Variants in CRK observed in about 807,000 individuals in gnomAD.
CRK encodes adapter molecule crk.
A neutral mutation model predicts 29.8 loss-of-function variants in CRK; 4 were observed. The ratio of observed to expected loss-of-function variants is 0.13; its 90% confidence interval spans 0.07 to 0.31. CRK has a LOEUF of 0.31. Ranked by LOEUF, CRK falls within the 10% of genes least tolerant of loss-of-function variation. The pLI, the probability that CRK is intolerant of heterozygous loss-of-function variation, is 1.00. For missense variants in CRK, 274 were observed against 396.5 expected (o/e 0.69, Z 2.62); for synonymous variants, 153 against 164.9 (o/e 0.93, Z 0.55).
chr17:1,452,950 T>G (rs146873288), intron 1 of CRK, among the ~76,000 whole-genome samples: 27 of 151,836 alleles, frequency 1.8e-4, no homozygotes, highest in African/African-American at 5.8e-4. Context: ...TACAAAAAAA[T>G]TTTCAACAGT....
intron 2 of CRK, among the ~76,000 whole-genome samples, chr17:1,431,066 CA>C (rs112098984): frequency 7.1e-5 from 6 of 84,430 alleles, no homozygotes; most frequent in South Asian, 4.4e-4. Context: ...GACTCCGTCT[CA>C]AAACAAACAA....
chr17:1,428,308 G>T (rs2073801972), intron 2 of CRK, among the ~76,000 whole-genome samples: 1 of 150,778 alleles, frequency 6.6e-6, no homozygotes, highest in Non-Finnish European at 1.5e-5. Flanking sequence ...TAGTAGAGAT[G>T]GGGTTTCACC....
At chr17:1,439,833 ACT>A (rs894315796) in intron 1 of CRK, among the ~76,000 whole-genome samples, 1 of 151,862 alleles carries the variant, frequency 6.6e-6, no homozygotes, top group Non-Finnish European at 1.5e-5. Flanking sequence ...ACAGAGCAAG[ACT>A]CTGTGTCAAA....
In CRK at chr17:1,437,034, G is replaced by A. The variant is rs1338500818; in HGVS notation, c.363C>T (p.Ser121=). 6.2e-7 allele frequency: 1 copy of A among 1,614,068 alleles called. No homozygotes were observed. The highest frequency in any genetic ancestry group is 8.5e-7 in the Non-Finnish European group (1 of 1,180,018). The change falls in exon 2 of 3, where the codon TCC becomes TCT. Residue 121 remains serine, a synonymous_variant. Coordinates refer to ENST00000300574, the MANE Select transcript of CRK (RefSeq NM_016823.4). The part of the protein sequence containing the change: ...TTTLIEPVSR[S]RQGSGVILRQ... ...TGAGAATCACTCCACTACCCTGCCT[G>A]GATCTGGAAACTGGTTCTATCAACG...
chr17:1,444,022 G>C (rs1489921220), intron 1 of CRK, among the ~76,000 whole-genome samples: 3 of 151,600 alleles, frequency 2.0e-5, no homozygotes, highest in Non-Finnish European at 4.4e-5. Flanking sequence ...TTAATAACGG[G>C]GTTTTGCCAT....
chr17:1,433,509 CTTTTTTTTT>C (rs60236552), intron 2 of CRK, among the ~76,000 whole-genome samples: 27 of 58,606 alleles, frequency 4.6e-4, no homozygotes, highest in South Asian at 8.8e-4. Context: ...CCACGCCTGG[CTTTTTTTTT>C]TTTTTTTTTT....
At position 1,455,909 on chromosome 17, in the gene CRK, G is replaced by A. The variant is rs756091066; in HGVS notation, c.209C>T (p.Pro70Leu). 12 of 1,570,966 alleles carry A rather than the reference G, an allele frequency of 7.6e-6. No homozygotes were observed. In the East Asian group the frequency reaches 2.4e-4, roughly 32 times the overall value. The part of the protein sequence containing the change: ...YIINSSGPRP[P>L]VPPSPAQPPP... ...AGGCTGGGCGGGCGACGGTGGCACC[G>A]GCGGGCGCGGGCCGCTGCTGTTGAT... The change falls in exon 1 of 3, where the codon CCG becomes CTG. Residue 70 changes from proline (P) to leucine (L), a missense_variant. Physicochemically the swap from Pro to Leu is moderately conservative, Grantham distance 98. Around this residue, in one of 3 missense-constraint regions of CRK, gnomAD observed 135 missense variants for 180.9 expected, o/e 0.75. Transcript: ENST00000300574.
intron 1 of CRK, among the ~76,000 whole-genome samples, chr17:1,437,746 C>T (rs375853414): frequency 5.9e-5 from 9 of 151,646 alleles, no homozygotes; most frequent in East Asian, 3.9e-4. Context: ...CTCTGCCTCC[C>T]GGGTTCAAGC....
At chr17:1,444,934 G>A (rs1307725015) in intron 1 of CRK, among the ~76,000 whole-genome samples, 2 of 152,064 alleles carry the variant, frequency 1.3e-5, no homozygotes, top group East Asian at 1.9e-4. Flanking sequence ...GGATCACGAG[G>A]TCAGGAGATC....
In CRK at chr17:1,421,681, C is replaced by T. The variant is rs562720325; in HGVS notation, c.*1832G>A. Reference sequence around the variant, plus strand: ...CCGGTTTCTCAGGTCTCCTCATTCACTCAGACAAATACGTGCACACTGACT... The same window carrying T: ...CCGGTTTCTCAGGTCTCCTCATTCATTCAGACAAATACGTGCACACTGACT... On this transcript the variant is annotated 3_prime_UTR_variant, in exon 3 of 3. Transcript: ENST00000300574. The T allele has an allele frequency of 6.6e-6, 1 of 152,320 alleles. No individual in the cohort carries two copies. Among genetic ancestry groups the T allele is most frequent in the South Asian group, 2.1e-4 (1 of 4,824 alleles). The allele number at this position is 152,320 out of a possible 1,614,324, so 9.4% of individuals were successfully genotyped here.
intron 2 of CRK, among the ~76,000 whole-genome samples, chr17:1,430,644 C>A (rs1177174740): frequency 6.7e-6 from 1 of 149,232 alleles, no homozygotes; most frequent in African/African-American, 2.5e-5. Context: ...GGATTACAGG[C>A]GTGAGCCACC....
rs998744453 is a variant in CRK at position 1,447,174 on chromosome 17, C to G, written c.241+8703G>C. Among the ~76,000 whole-genome samples the G allele has an allele frequency of 2.0e-5, 3 of 152,056 alleles. No individual in the cohort carries two copies. In the Middle Eastern group the frequency reaches 0.01, roughly 517 times the overall value. On this transcript the variant is annotated intron_variant, in intron 1 of 2. Coordinates refer to ENST00000300574, the MANE Select transcript of CRK (RefSeq NM_016823.4). The stretch of plus-strand genomic sequence containing the variant: ...CTCCTTTTCTCTCTTTCCTCTCCTT[C>G]CAACCACAAACAGCCAAAGGCAGGA...
intron 2 of CRK, among the ~76,000 whole-genome samples, chr17:1,432,264 G>T (rs757605067): frequency 2.0e-5 from 3 of 152,000 alleles, no homozygotes; most frequent in Non-Finnish European, 2.9e-5. Flanking sequence ...TGAGGCAGGC[G>T]GATCGCTTGA....
chr17:1,451,240 T>C (rs1465965591), intron 1 of CRK, among the ~76,000 whole-genome samples: 1 of 144,318 alleles, frequency 6.9e-6, no homozygotes, highest in Middle Eastern at 3.3e-3. Flanking sequence ...AGCTTCTTCA[T>C]CATTGACTTT....
At chr17:1,453,832 G>A (rs1210958976) in intron 1 of CRK, among the ~76,000 whole-genome samples, 4 of 152,050 alleles carry the variant, frequency 2.6e-5, no homozygotes, top group Admixed American at 6.6e-5. Context: ...CTTTGAACCC[G>A]GGGAGGTAGA....
At chr17:1,442,017 G>GGT (rs2073939105) in intron 1 of CRK, among the ~76,000 whole-genome samples, 1 of 4,842 alleles carries the variant, frequency 2.1e-4, no homozygotes, top group African/African-American at 2.5e-4. Flanking sequence ...TACCATGCCT[G>GGT]TATTTTTTTT....
At chr17:1,453,446 T>C (rs1266336436) in intron 1 of CRK, among the ~76,000 whole-genome samples, 2 of 152,298 alleles carry the variant, frequency 1.3e-5, no homozygotes, top group East Asian at 3.9e-4. Flanking sequence ...CGACATATAA[T>C]GCAAAACCCC....
At chr17:1,453,856 T>G (rs1172768576) in intron 1 of CRK, among the ~76,000 whole-genome samples, 3 of 151,556 alleles carry the variant, frequency 2.0e-5, no homozygotes, top group African/African-American at 4.9e-5. Context: ...TGCAGTGAGC[T>G]GAGATTGCAC....
rs143197793 is a variant in CRK, at chr17:1,432,341, T to C, written c.777+4279A>G. On this transcript the variant is annotated intron_variant, in intron 2 of 2. Coordinates refer to ENST00000300574, the MANE Select transcript of CRK (RefSeq NM_016823.4). ...CCATCTCTACTAAAAATAAAAAAAT[T>C]AGCCAGGCGTGGTGGTGGATGCCTG... Among the ~76,000 whole-genome samples the C allele has an allele frequency of 6.2e-3, 938 of 150,348 alleles. 10 individuals are homozygous for C. The highest frequency in any genetic ancestry group is 0.021 in the African/African-American group (871 of 40,824).
Sources: allele counts gnomAD v4.1 joint callset (sites outside exome capture counted in the v4.1 genomes callset), GRCh38; gene constraint gnomAD v4.1.1; regional missense constraint gnomAD v4.1.1; transcripts MANE v1.5; gene names NCBI Gene and HGNC (gene_info 2026-07-23, HGNC 2026-07-21).